The following SPA17 variants were observed in gnomAD, a reference collection of about 807,000 sequenced individuals.
SPA17 encodes sperm surface protein Sp17.
SPA17 carries 7 observed loss-of-function variants against 13.8 expected under a neutral mutation model. The observed-to-expected ratio is 0.51, with a 90% confidence interval of 0.29 to 0.95. The LOEUF (loss-of-function observed/expected upper bound fraction) is 0.95. Ranked by LOEUF, SPA17 falls within the 40% of genes least tolerant of loss-of-function variation. SPA17 has a pLI of 0.08. For missense variants in SPA17, 170 were observed against 179.3 expected (o/e 0.95, Z 0.30); for synonymous variants, 61 against 59.0 (o/e 1.03, Z -0.16).
chr11:124,676,085 A>G (rs1159352931), intron 2 of SPA17: 1 of 152,200 alleles, frequency 6.6e-6, no homozygotes, highest in Non-Finnish European at 1.5e-5. Context: ...ACTCCTATAA[A>G]TAAAATTTAC....
At chr11:124,681,502 C>CT in intron 3 of SPA17, 43 bp downstream of exon 3, 2 of 1,429,100 alleles carry the variant, frequency 1.4e-6, no homozygotes, top group Non-Finnish European at 1.9e-6. Context: ...TTTCTTCTCT[C>CT]TGTCTACAGC....
At chr11:124,681,159 G>A (rs1276019356) in intron 2 of SPA17, among the ~76,000 whole-genome samples, 1 of 151,930 alleles carries the variant, frequency 6.6e-6, no homozygotes, top group Non-Finnish European at 1.5e-5. Flanking sequence ...TACGTTTTTA[G>A]TGCTTTTCTA....
chr11:124,693,042 A>AT (rs1233888595), intron 4 of SPA17, among the ~76,000 whole-genome samples: 3 of 152,246 alleles, frequency 2.0e-5, no homozygotes, highest in Admixed American at 2.0e-4. Context: ...GAAGATTAAC[A>AT]TTAAGATGTA....
chr11:124,695,190 C>T lies in SPA17; in HGVS notation c.*744C>T, dbSNP rs1327692031. ...TTCATTTATCATACATGTATTCAAT[C>T]ATTTATTGAAAATGTATTGAGTACT... On this transcript the variant is annotated 3_prime_UTR_variant, in exon 5 of 5. Coordinates refer to ENST00000227135, the MANE Select transcript of SPA17 (RefSeq NM_017425.4). 1.3e-5 allele frequency: 2 copies of T among 152,190 alleles called. No individual in the cohort carries two copies. The highest frequency in any genetic ancestry group is 2.9e-5 in the Non-Finnish European group (2 of 68,032). The allele number at this position is 152,190 out of a possible 1,614,324, so 9.4% of individuals were successfully genotyped here. A position where few individuals can be genotyped will look rare whatever the true frequency, so the allele number is the denominator to read the frequency against.
At chr11:124,680,806 AAAAT>A (rs200386766) in intron 2 of SPA17, among the ~76,000 whole-genome samples, 2,008 of 152,240 alleles carry the variant, frequency 0.013, 26 homozygotes, top group Non-Finnish European at 0.02. Flanking sequence ...GGTTATAAAT[AAAAT>A]AAATCATGGG....
At chr11:124,685,111 G>A (rs1943565881) in intron 3 of SPA17, among the ~76,000 whole-genome samples, 1 of 152,260 alleles carries the variant, frequency 6.6e-6, no homozygotes, top group Non-Finnish European at 1.5e-5. Flanking sequence ...TCCAGGGTAT[G>A]TCAGAGACCT....
rs1943591200 is a variant in SPA17, at chr11:124,687,908, T to A, written c.226-3788T>A. ...GAATGCCCATTTTCACCCGTCCTAT[T>A]CAACATAGTACTGGAAGTCGTAGCC... is the stretch of plus-strand genomic sequence containing the variant. On this transcript the variant is annotated intron_variant, in intron 3 of 4. Transcript: ENST00000227135. 1.3e-5 allele frequency among the ~76,000 whole-genome samples: 2 copies of A among 152,114 alleles called. 1 individual carries two copies. The highest frequency in any genetic ancestry group is 4.1e-4 in the South Asian group (2 of 4,828).
chr11:124,687,260 A>G (rs1943585901), intron 3 of SPA17, among the ~76,000 whole-genome samples: 1 of 152,158 alleles, frequency 6.6e-6, no homozygotes, highest in Admixed American at 6.5e-5. Flanking sequence ...TGAACAGACT[A>G]ATAACGAGTA....
chr11:124,687,168 A>G (rs761127729), intron 3 of SPA17, among the ~76,000 whole-genome samples: 9 of 152,348 alleles, frequency 5.9e-5, no homozygotes, highest in Middle Eastern at 3.4e-3. Flanking sequence ...ATACACTCAC[A>G]AACTAGAAAA....
At chr11:124,687,704 A>T (rs768432860) in intron 3 of SPA17, among the ~76,000 whole-genome samples, 14 of 152,218 alleles carry the variant, frequency 9.2e-5, no homozygotes, top group Non-Finnish European at 1.6e-4. Context: ...CAAAAACCAT[A>T]TGCAGAAAAA....
Position 124,695,000 on chromosome 11 carries a change from G to A in SPA17, c.*554G>A, listed in dbSNP as rs141826276. 6,672 of 152,466 alleles carry A rather than the reference G, an allele frequency of 0.044. 476 individuals carry two copies. The highest frequency in any genetic ancestry group is 0.15 in the African/African-American group (6,228 of 41,434). 9.4% of individuals were successfully genotyped at this position (152,466 alleles called of 1,614,324 possible). On this transcript the variant is annotated 3_prime_UTR_variant, in exon 5 of 5. Transcript: ENST00000227135. ...CGCACACCTGTAATCCCAGCTACTC[G>A]GGAGGCTGAGGCAGGAGAATCGCTT...
chr11:124,694,299 G>A lies in SPA17; in HGVS notation c.313-4G>A. 2.5e-6 allele frequency: 4 copies of A among 1,607,800 alleles called. No homozygotes were observed. Among genetic ancestry groups the A allele is most frequent in the Non-Finnish European group, 3.4e-6 (4 of 1,178,612 alleles). ...GTCTCTTACTTTTTCTCCTTTCGAT[G>A]AAGGACTCTTCTGAGGAAGATAAGG... On this transcript the variant is annotated splice_region_variant and splice_polypyrimidine_tract_variant and intron_variant, in intron 4 of 4. Coordinates refer to ENST00000227135, the MANE Select transcript of SPA17 (RefSeq NM_017425.4).
At chr11:124,689,640 G>C (rs373991512) in intron 3 of SPA17, among the ~76,000 whole-genome samples, 99 of 151,986 alleles carry the variant, frequency 6.5e-4, no homozygotes, top group African/African-American at 2.2e-3. Context: ...AGCCAGACGT[G>C]GTGGTGTGCA....
At position 124,688,721 on chromosome 11, in the gene SPA17, G is replaced by A. The variant is rs144320690; in HGVS notation, c.226-2975G>A. 2.8e-4 allele frequency among the ~76,000 whole-genome samples: 43 copies of A among 152,246 alleles called. No individual in the cohort carries two copies. In the East Asian group the frequency reaches 8.1e-3, roughly 29 times the overall value. On this transcript the variant is annotated intron_variant, in intron 3 of 4. Transcript: ENST00000227135. ...GCACCAACTCACTTTTCACAGAATTGAGAAAAACAATCCTAAAATTCATAT... is the reference window on the plus strand; with the variant it reads ...GCACCAACTCACTTTTCACAGAATTAAGAAAAACAATCCTAAAATTCATAT...
At chr11:124,675,498 C>G in intron 2 of SPA17, 80 bp downstream of exon 2, 1 of 1,490,770 alleles carries the variant, frequency 6.7e-7, no homozygotes, top group Non-Finnish European at 9.1e-7. Flanking sequence ...AAGACCATCT[C>G]CATTCTGCAG....
rs60663679 is a variant in SPA17, at chr11:124,678,516, C to CTGTGTGTG, written c.155-2847_155-2840dup. 1.1e-3 allele frequency among the ~76,000 whole-genome samples: 160 copies of CTGTGTGTG among 143,362 alleles called. 1 individual carries two copies. The highest frequency in any genetic ancestry group is 3.6e-3 in the African/African-American group (142 of 39,230). 94.1% of individuals were successfully genotyped at this position (143,362 alleles called of 152,430 possible). A position where few individuals can be genotyped will look rare whatever the true frequency, so the allele number is the denominator to read the frequency against. ...AAAAGAGGTTGATATGAATACATAA[C>CTGTGTGTG]TGTGTGTGTGTGTGTGTGTGTGTGT... On this transcript the variant is annotated intron_variant, in intron 2 of 4. Transcript: ENST00000227135.
chr11:124,681,594 A>T, intron 3 of SPA17, 135 bp downstream of exon 3: 3 of 315,662 alleles, frequency 9.5e-6, no homozygotes, highest in Non-Finnish European at 1.7e-5. Flanking sequence ...TTATTAAATT[A>T]AAATTTAATA....
At chr11:124,684,668 C>G (rs1432561338) in intron 3 of SPA17, among the ~76,000 whole-genome samples, 1 of 152,126 alleles carries the variant, frequency 6.6e-6, no homozygotes, top group Non-Finnish European at 1.5e-5. Flanking sequence ...TTGGAGGGCT[C>G]AGAAGACAAG....
At chr11:124,677,573 A>C (rs1377441529) in intron 2 of SPA17, among the ~76,000 whole-genome samples, 2 of 152,220 alleles carry the variant, frequency 1.3e-5, no homozygotes, top group Non-Finnish European at 2.9e-5. Flanking sequence ...TAAGAGAAGA[A>C]AAAATTTTGC....
Sources: gnomAD v4.1 joint callset for allele counts (sites outside exome capture counted in the v4.1 genomes callset) on GRCh38, gnomAD v4.1.1 for gene constraint, MANE v1.5 for transcripts, NCBI Gene and HGNC (gene_info 2026-07-23, HGNC 2026-07-21) for gene names.